The following SPATS2L variants were observed in gnomAD, a reference collection of about 807,000 sequenced individuals.
The protein encoded by SPATS2L is SPATS2-like protein.
A neutral mutation model predicts 59.6 loss-of-function variants in SPATS2L; 30 were observed. That is an observed-to-expected ratio of 0.50 (90% CI 0.38 to 0.68). SPATS2L has a LOEUF of 0.68. SPATS2L is among the 30% of genes least tolerant of loss of function. The pLI, the probability that SPATS2L is intolerant of heterozygous loss-of-function variation, is 0.00. For synonymous variants in SPATS2L, 252 were observed against 263.5 expected (o/e 0.96, Z 0.42); for missense variants, 615 against 700.0 (o/e 0.88, Z 1.37).
intron 4 of SPATS2L, among the ~76,000 whole-genome samples, chr2:200,415,496 A>G (rs2083023484): frequency 6.6e-6 from 1 of 152,136 alleles, no homozygotes; most frequent in Non-Finnish European, 1.5e-5. Flanking sequence ...TCTTTTAGAA[A>G]TACTGTGCCT....
chr2:200,320,931 G>A (rs2079541642), intron 1 of SPATS2L, among the ~76,000 whole-genome samples: 1 of 151,956 alleles, frequency 6.6e-6, no homozygotes, highest in Admixed American at 6.6e-5. Context: ...GAATAAATGA[G>A]TGCTTCATAA....
rs1308706253 is a variant in SPATS2L, at chr2:200,481,483, G to C, written c.*3452G>C. On this transcript the variant is annotated 3_prime_UTR_variant, in exon 13 of 13. Transcript: ENST00000409140. Reference sequence around the variant, plus strand: ...TGCTCCCCACCCCGACGCAGGCACAGGTCCGCAACCAGATAGGGAGATGCC... The same window carrying C: ...TGCTCCCCACCCCGACGCAGGCACACGTCCGCAACCAGATAGGGAGATGCC... 6.6e-6 allele frequency: 1 copy of C among 152,240 alleles called. No homozygotes were observed. Among genetic ancestry groups the C allele is most frequent in the Non-Finnish European group, 1.5e-5 (1 of 68,050 alleles). The allele number at this position is 152,240 out of a possible 1,614,324, so 9.4% of individuals were successfully genotyped here. A position where few individuals can be genotyped will look rare whatever the true frequency, so the allele number is the denominator to read the frequency against.
chr2:200,337,903 C>CT (rs1194576717), intron 2 of SPATS2L, among the ~76,000 whole-genome samples: 70 of 152,264 alleles, frequency 4.6e-4, no homozygotes, highest in African/African-American at 1.6e-3. Context: ...TGTCCACTGC[C>CT]TAATACATAA....
At chr2:200,411,863 A>C (rs2082888883) in intron 3 of SPATS2L, among the ~76,000 whole-genome samples, 1 of 152,242 alleles carries the variant, frequency 6.6e-6, no homozygotes, top group Admixed American at 6.5e-5. Context: ...TTGACCCTCA[A>C]GATGACTGTT....
At chr2:200,379,367 A>G (rs78573518) in intron 2 of SPATS2L, among the ~76,000 whole-genome samples, 2,691 of 152,350 alleles carry the variant, frequency 0.018, 40 homozygotes, top group Non-Finnish European at 0.028. Context: ...GAGTTAATAC[A>G]TGGAACGTGC....
chr2:200,315,493 G>A (rs953741897), intron 1 of SPATS2L, among the ~76,000 whole-genome samples: 2 of 152,128 alleles, frequency 1.3e-5, no homozygotes, highest in Admixed American at 1.3e-4. Flanking sequence ...TGAGAGCCAG[G>A]TCTCTGAGAT....
chr2:200,438,317 C>CA (rs2084443376), intron 6 of SPATS2L, among the ~76,000 whole-genome samples: 1 of 121,564 alleles, frequency 8.2e-6, no homozygotes, highest in Non-Finnish European at 1.8e-5. Context: ...AAGAACCTGG[C>CA]CTTCAAGAGC....
rs541995921 is a variant in SPATS2L at position 200,387,228 on chromosome 2, A to G, written c.-22-1995A>G. Among the ~76,000 whole-genome samples, 24 of 152,350 alleles carry G rather than the reference A, an allele frequency of 1.6e-4. No individual in the cohort carries two copies. In the South Asian group the frequency reaches 3.7e-3, roughly 24 times the overall value. On this transcript the variant is annotated intron_variant, in intron 2 of 12. Transcript: ENST00000409140. ...ATTTGGGGCCTTAGCCTTACTTTCAATGGCAAAAATCACAATTACTTTTGC... is the reference window on the plus strand; with the variant it reads ...ATTTGGGGCCTTAGCCTTACTTTCAGTGGCAAAAATCACAATTACTTTTGC...
At chr2:200,427,576 A>G (rs2083652604) in intron 6 of SPATS2L, among the ~76,000 whole-genome samples, 1 of 150,838 alleles carries the variant, frequency 6.6e-6, no homozygotes, top group South Asian at 2.1e-4. Context: ...TTGTAAAGAC[A>G]GTGAATGTAA....
In SPATS2L at chr2:200,477,810, G is replaced by C; in HGVS notation, c.1456G>C (p.Gly486Arg). The C allele has an allele frequency of 6.3e-7, 1 of 1,575,164 alleles. No homozygotes were observed. Among genetic ancestry groups the C allele is most frequent in the Non-Finnish European group, 8.6e-7 (1 of 1,160,392 alleles). Residue 486 changes from glycine to arginine, a missense_variant, in exon 13 of 13, where the codon GGT becomes CGT. Transcript: ENST00000409140. ...CGGCTTCCGGCCCAAAAACAAAGGC[G>C]GTGCCAAAAATCAAGAGGCTTCCTT... ...HNGFRPKNKG[G>R]AKNQEASLGM...
chr2:200,340,724 A>G (rs1445817547), intron 2 of SPATS2L, among the ~76,000 whole-genome samples: 1 of 152,130 alleles, frequency 6.6e-6, no homozygotes, highest in Non-Finnish European at 1.5e-5. Context: ...CACAAATATT[A>G]CTTCCATTTA....
intron 1 of SPATS2L, among the ~76,000 whole-genome samples, chr2:200,313,650 C>A (rs543720672): frequency 6.6e-5 from 10 of 152,142 alleles, no homozygotes; most frequent in Admixed American, 2.6e-4. Flanking sequence ...CGCTTTTGGT[C>A]GCTTCTCTCT....
chr2:200,455,350 G>T (rs555087704), intron 8 of SPATS2L, among the ~76,000 whole-genome samples: 1 of 152,330 alleles, frequency 6.6e-6, no homozygotes, highest in East Asian at 1.9e-4. Context: ...ATTAGATGAA[G>T]AGAAGCAAGG....
At chr2:200,340,468 G>A (rs867183072) in intron 2 of SPATS2L, among the ~76,000 whole-genome samples, 2 of 151,994 alleles carry the variant, frequency 1.3e-5, no homozygotes, top group Non-Finnish European at 2.9e-5. Flanking sequence ...TTCCTCTGCC[G>A]ATTTTCCACT....
chr2:200,310,433 A>T (rs970175174), intron 1 of SPATS2L, among the ~76,000 whole-genome samples: 1 of 152,154 alleles, frequency 6.6e-6, no homozygotes, highest in Non-Finnish European at 1.5e-5. Context: ...CCCTGATCGG[A>T]TGGGAGGCCG....
chr2:200,411,506 T>C (rs1020308341), intron 3 of SPATS2L, among the ~76,000 whole-genome samples: 1 of 152,210 alleles, frequency 6.6e-6, no homozygotes, highest in East Asian at 1.9e-4. Context: ...GCTGCAGTAA[T>C]CCCTGTGATA....
intron 2 of SPATS2L, among the ~76,000 whole-genome samples, chr2:200,334,021 G>C (rs2080051964): frequency 2.6e-5 from 4 of 152,178 alleles, no homozygotes; most frequent in Admixed American, 2.6e-4. Context: ...TACACCCAGT[G>C]ATGGGATGGC....
At chr2:200,318,537 A>G (rs1299470889) in intron 1 of SPATS2L, among the ~76,000 whole-genome samples, 1 of 152,220 alleles carries the variant, frequency 6.6e-6, no homozygotes, top group Non-Finnish European at 1.5e-5. Flanking sequence ...CTGAACAAGA[A>G]CTGTTTCGGT....
intron 6 of SPATS2L, among the ~76,000 whole-genome samples, chr2:200,425,890 C>T (rs2083543130): frequency 6.6e-6 from 1 of 151,874 alleles, no homozygotes; most frequent in African/African-American, 2.4e-5. Context: ...CTGGAGAGTG[C>T]GTGTATGCAG....
Sources: allele counts gnomAD v4.1 joint callset (sites outside exome capture counted in the v4.1 genomes callset), GRCh38; gene constraint gnomAD v4.1.1; transcripts MANE v1.5; gene names NCBI Gene and HGNC (gene_info 2026-07-23, HGNC 2026-07-21).